FAM107A: variants seen among roughly 807,000 people sequenced by gnomAD.
FAM107A encodes actin-associated protein FAM107A.
A neutral mutation model predicts 13.7 loss-of-function variants in FAM107A; 19 were observed. The observed-to-expected ratio is 1.38, with a 90% CI of 0.97 to 2.03. The LOEUF (loss-of-function observed/expected upper bound fraction) is 2.03. FAM107A is among the 30% of genes most tolerant of loss of function. FAM107A has a pLI of 0.00. For missense variants in FAM107A, 203 were observed against 184.4 expected (o/e 1.10, Z -0.58); for synonymous variants, 82 against 74.5 (o/e 1.10, Z -0.52).
At chr3:58,574,944 A>G (rs997505557) in intron 1 of FAM107A, among the ~76,000 whole-genome samples, 3 of 151,988 alleles carry the variant, frequency 2.0e-5, no homozygotes, top group African/African-American at 7.3e-5. Flanking sequence ...CAGATTTGAA[A>G]CCAAACACTG....
intron 1 of FAM107A, among the ~76,000 whole-genome samples, chr3:58,585,174 G>C (rs2065590979): frequency 6.6e-6 from 1 of 152,196 alleles, no homozygotes; most frequent in Admixed American, 6.5e-5. Flanking sequence ...TATTCTGCGT[G>C]GGTTGATAGC....
Position 58,604,265 on chromosome 3 carries a change from A to G in FAM107A, c.-69-14996T>C, listed in dbSNP as rs961706135. The stretch of plus-strand genomic sequence containing the variant: ...TCTGCCCACAATTCAACATTATTAT[A>G]CTTGGGAGAGTGACATCCCAACTCG... On this transcript the variant is annotated intron_variant, in intron 1 of 3. Coordinates refer to the FAM107A transcript ENST00000465970. The surrounding 1 kb of genome is among the most constrained non-coding windows in gnomAD (Gnocchi z 4.1). 4.0e-4 allele frequency among the ~76,000 whole-genome samples: 61 copies of G among 152,174 alleles called. No individual in the cohort carries two copies. Among genetic ancestry groups the G allele is most frequent in the African/African-American group, 1.4e-3 (57 of 41,502 alleles).
At position 58,569,710 on chromosome 3, in the gene FAM107A, G is replaced by A. The variant is rs1438956201; in HGVS notation, c.151C>T (p.Leu51=). ...CCCTACCTTCTGTGGTTCATGAGCA[G>A]CTCCCGGTGGAGCTCCTGGTGACTC... ...SRSHQELHRE[L]LMNHRRGLGV... is the part of the protein sequence containing the mutation. The change falls in exon 2 of 4, where the codon CTG becomes TTG. Residue 51 remains leucine (L), a synonymous_variant. Transcript: ENST00000360997. This position sits in a 1 kb window ranked among gnomAD's most constrained non-coding sequence, Gnocchi z 5.7. The A allele has an allele frequency of 1.2e-6, 2 of 1,613,750 alleles. No homozygotes were observed. The highest frequency in any genetic ancestry group is 8.5e-7 in the Non-Finnish European group (1 of 1,179,876).
intron 1 of FAM107A, among the ~76,000 whole-genome samples, chr3:58,594,551 T>C (rs943678858): frequency 2.0e-5 from 3 of 152,238 alleles, no homozygotes; most frequent in Non-Finnish European, 4.4e-5. Flanking sequence ...CTCTTCTTCC[T>C]CTGTGGCTTC....
At chr3:58,626,888 T>G (rs1002855109) in intron 1 of FAM107A, 1 of 1,341,422 alleles carries the variant, frequency 7.5e-7, no homozygotes, top group African/African-American at 1.4e-5. Flanking sequence ...AGCTGCAGGG[T>G]AGGTGGGTCG....
At chr3:58,595,552 A>G (rs1455120559) in intron 1 of FAM107A, among the ~76,000 whole-genome samples, 1 of 145,674 alleles carries the variant, frequency 6.9e-6, no homozygotes, top group Non-Finnish European at 1.5e-5. Context: ...ACTTTTTAAG[A>G]TCCACCCCCT....
rs149352040 is a variant in FAM107A, at chr3:58,597,754, A to G, written c.-69-8485T>C. On this transcript the variant is annotated intron_variant, in intron 1 of 3. Coordinates refer to the FAM107A transcript ENST00000465970. ...AGTCCTCTGAGATTAGGGAAGAGTG[A>G]AGTTCTTGTTTTACAGATGAGGAAG... Among the ~76,000 whole-genome samples the G allele has an allele frequency of 1.2e-3, 182 of 152,324 alleles. 2 individuals are homozygous for G. In the East Asian group the frequency reaches 0.023, roughly 19 times the overall value.
intron 1 of FAM107A, among the ~76,000 whole-genome samples, chr3:58,594,887 C>A (rs1376004057): frequency 2.0e-5 from 3 of 152,114 alleles, no homozygotes; most frequent in Middle Eastern, 3.2e-3. Flanking sequence ...TTACACTGAA[C>A]CCCCTTGGAC....
At chr3:58,585,858 C>A (rs928567280) in intron 1 of FAM107A, among the ~76,000 whole-genome samples, 12 of 152,206 alleles carry the variant, frequency 7.9e-5, no homozygotes, top group African/African-American at 2.9e-4. Flanking sequence ...TATTTGGACA[C>A]TGGTCATATA....
intron 1 of FAM107A, among the ~76,000 whole-genome samples, chr3:58,598,289 G>T (rs1024079634): frequency 5.9e-5 from 9 of 152,208 alleles, no homozygotes; most frequent in Admixed American, 1.3e-4. Context: ...CCTGGGACTT[G>T]TTCCTTTGCA....
chr3:58,567,298 G>A lies in FAM107A; in HGVS notation c.237C>T (p.Leu79=), dbSNP rs146487201. 1 of 1,613,514 alleles carries A rather than the reference G, an allele frequency of 6.2e-7. No homozygotes were observed. The highest frequency in any genetic ancestry group is 1.1e-5 in the South Asian group (1 of 90,942). ...CCAGCTCCTCCTTCTTCTTCTTGAT[G>A]AGCTGGTTCCGCCGGCGGTGCTCTA... ...RVLEHRRRNQ[L]IKKKKEELEA... Residue 79 remains leucine, a synonymous_variant, in exon 3 of 4, where the codon CTC becomes CTT. Transcript: ENST00000360997.
At chr3:58,571,135 AG>A (rs1462616939) in intron 1 of FAM107A, among the ~76,000 whole-genome samples, 2 of 152,114 alleles carry the variant, frequency 1.3e-5, no homozygotes, top group Non-Finnish European at 2.9e-5. Flanking sequence ...AAATACAGAG[AG>A]GGGGGTTTGA....
chr3:58,622,750 G>C (rs768672347), intron 1 of FAM107A, among the ~76,000 whole-genome samples: 1 of 152,102 alleles, frequency 6.6e-6, no homozygotes, highest in African/African-American at 2.4e-5. Context: ...AGGGCCCAGT[G>C]GGGAGGCTGC....
intron 1 of FAM107A, among the ~76,000 whole-genome samples, chr3:58,593,523 C>A (rs756542083): frequency 1.3e-4 from 20 of 152,088 alleles, no homozygotes; most frequent in Non-Finnish European, 1.6e-4. Context: ...TCTCTTGAAG[C>A]GGATAGAAGA....
intron 1 of FAM107A, among the ~76,000 whole-genome samples, chr3:58,575,382 A>G (rs1186741299): frequency 6.6e-6 from 1 of 152,208 alleles, no homozygotes; most frequent in Non-Finnish European, 1.5e-5. Flanking sequence ...ACCGAAGACA[A>G]ACTATGGTAC....
chr3:58,605,902 C>T (rs1311782295), intron 1 of FAM107A, among the ~76,000 whole-genome samples: 2 of 152,208 alleles, frequency 1.3e-5, no homozygotes, highest in Non-Finnish European at 2.9e-5. Flanking sequence ...TGTGTGGCCC[C>T]TGCTTTCAGT....
At chr3:58,566,957 T>C (rs2063627914) in intron 3 of FAM107A, 7 of 610,712 alleles carry the variant, frequency 1.1e-5, no homozygotes, top group Admixed American at 5.8e-5. Flanking sequence ...ACAAGACAGT[T>C]ATAAGAATGA....
intron 1 of FAM107A, among the ~76,000 whole-genome samples, chr3:58,614,787 G>A (rs1187776671): frequency 6.6e-6 from 1 of 151,552 alleles, no homozygotes; most frequent in Non-Finnish European, 1.5e-5. Context: ...TTACAGGTGT[G>A]AGCCACCGCA....
At chr3:58,587,474 AGTGTGTGTGTGTGTGTGTGTGTGT>A (rs376881213), upstream of FAM107A, among the ~76,000 whole-genome samples, 4 of 145,454 alleles carry the variant, frequency 2.8e-5, no homozygotes, top group Non-Finnish European at 4.6e-5. Context: ...ATCAGCTTAG[AGTGTGTGTGTGTGTGTGTGTGTGT>A]GTGTGTGTGT....
Sources: gnomAD v4.1 joint callset for allele counts (sites outside exome capture counted in the v4.1 genomes callset) on GRCh38, gnomAD v4.1.1 for gene constraint, Gnocchi (gnomAD v3.1) non-coding constraint, MANE v1.5 for transcripts, NCBI Gene and HGNC (gene_info 2026-07-23, HGNC 2026-07-21) for gene names.